WHRN: variants seen among roughly 807,000 people sequenced by gnomAD.
WHRN encodes CASK-interacting protein CIP98.
WHRN carries 41 observed loss-of-function variants against 68.3 expected under a neutral mutation model. That is an observed-to-expected ratio of 0.60 (90% CI 0.47 to 0.78). The LOEUF (loss-of-function observed/expected upper bound fraction) is 0.78. Among genes scored for constraint, WHRN ranks in the 30% least tolerant of loss-of-function variants. WHRN has a pLI of 0.00. For missense variants in WHRN, 1,243 were observed against 1,244.7 expected (o/e 1.00, Z 0.02); for synonymous variants, 560 against 561.3 (o/e 1.00, Z 0.03).
intron 2 of WHRN, among the ~76,000 whole-genome samples, chr9:114,469,219 T>G (rs1840983312): frequency 6.6e-6 from 1 of 152,184 alleles, no homozygotes; most frequent in Non-Finnish European, 1.5e-5. Context: ...AAAGCAGGTG[T>G]GGCCTTCCTC....
At chr9:114,484,138 G>A (rs982453905) in intron 1 of WHRN, among the ~76,000 whole-genome samples, 2 of 152,204 alleles carry the variant, frequency 1.3e-5, no homozygotes, top group African/African-American at 4.8e-5. Flanking sequence ...AGTTATGGCA[G>A]GATACGCACC....
chr9:114,451,517 G>A (rs1839330611), intron 3 of WHRN, among the ~76,000 whole-genome samples: 1 of 152,150 alleles, frequency 6.6e-6, no homozygotes, highest in South Asian at 2.1e-4. Flanking sequence ...TGTTATTATG[G>A]AGACATCAGA....
intron 3 of WHRN, among the ~76,000 whole-genome samples, chr9:114,436,305 T>C (rs1177154962): frequency 6.6e-6 from 1 of 152,180 alleles, no homozygotes; most frequent in African/African-American, 2.4e-5. Context: ...TACATGACAT[T>C]ATGTATTGAT....
At chr9:114,423,548 C>T (rs1187397083) in intron 6 of WHRN, 25 bp from the exon 7 acceptor site, 2 of 1,593,424 alleles carry the variant, frequency 1.3e-6, no homozygotes, top group Non-Finnish European at 8.6e-7. Flanking sequence ...AAAAGGGGCA[C>T]TCAGCAGGGA....
In WHRN at chr9:114,466,184, G is replaced by A. The variant is rs1187037112; in HGVS notation, c.963+83C>T. On this transcript the variant is annotated intron_variant, in intron 3 of 11. Coordinates refer to ENST00000362057, the MANE Select transcript of WHRN (RefSeq NM_015404.4). ...GGACCAGTCCTCAAGGTGGAGTGCT[G>A]ATTGCTCTGCTGGAGGTCTATTTAA... is the stretch of plus-strand genomic sequence containing the variant. 4 of 1,599,224 alleles carry A rather than the reference G, an allele frequency of 2.5e-6. No homozygotes were observed. In the African/African-American group the frequency reaches 4.0e-5, roughly 16 times the overall value.
chr9:114,432,098 C>T (rs376545896), intron 3 of WHRN, among the ~76,000 whole-genome samples: 1 of 152,202 alleles, frequency 6.6e-6, no homozygotes, highest in Non-Finnish European at 1.5e-5. Context: ...TCCTATTTGT[C>T]ACCACTGATG....
At chr9:114,416,641 G>A (rs937978457) in intron 7 of WHRN, among the ~76,000 whole-genome samples, 5 of 152,022 alleles carry the variant, frequency 3.3e-5, no homozygotes, top group Non-Finnish European at 7.4e-5. Flanking sequence ...CTTCCTGTAC[G>A]GCCTACAGAA....
At chr9:114,488,209 T>C (rs80293515) in intron 1 of WHRN, among the ~76,000 whole-genome samples, 4,962 of 152,302 alleles carry the variant, frequency 0.033, 129 homozygotes, top group African/African-American at 0.072. Flanking sequence ...ATAACGCCTA[T>C]GCTCATGGAG....
chr9:114,489,512 GCGTGCACACA>G (rs1842805603), intron 1 of WHRN, among the ~76,000 whole-genome samples: 1 of 13,954 alleles, frequency 7.2e-5, no homozygotes, highest in African/African-American at 1.4e-4. Flanking sequence ...ACGCACACAC[GCGTGCACACA>G]CACACACACA....
chr9:114,439,625 T>TAC (rs1838191077), intron 3 of WHRN, among the ~76,000 whole-genome samples: 1 of 89,528 alleles, frequency 1.1e-5, no homozygotes, highest in Non-Finnish European at 3.3e-5. Flanking sequence ...TATCTGTATG[T>TAC]ACACACACAT....
rs1483291111 is a variant in WHRN, at chr9:114,478,639, G to A, written c.751C>T (p.Pro251Ser). The A allele has an allele frequency of 6.2e-7, 1 of 1,613,698 alleles. No homozygotes were observed. ...CTCAGGGCACCACCGTGGGGCTGGGGCAGGCCCGAGGGTGGGGAGATGCTG... is the reference window on the plus strand; with the variant it reads ...CTCAGGGCACCACCGTGGGGCTGGGACAGGCCCGAGGGTGGGGAGATGCTG... ...GRSISPPSGL[P>S]QPHGGALRQQ... The change falls in exon 2 of 12, where the codon CCC becomes TCC. Residue 251 changes from proline to serine, a missense_variant. Transcript: ENST00000362057.
chr9:114,505,228 C>T lies in WHRN; in HGVS notation c.-427G>A, dbSNP rs886126221. 6 of 164,278 alleles carry T rather than the reference C, an allele frequency of 3.7e-5. No homozygotes were observed. Among genetic ancestry groups the T allele is most frequent in the Admixed American group, 1.9e-4 (3 of 15,492 alleles). The allele number at this position is 164,278 out of a possible 1,614,324, so 10.2% of individuals were successfully genotyped here. A position where few individuals can be genotyped will look rare whatever the true frequency, so the allele number is the denominator to read the frequency against. On this transcript the variant is annotated 5_prime_UTR_variant, in exon 1 of 12. Transcript: ENST00000362057. The stretch of plus-strand genomic sequence containing the variant: ...CCCGTCACACCATGCCCGGGGCTCC[C>T]CCAGCCGGGCGCCCGTTCCTCTAGG...
intron 3 of WHRN, among the ~76,000 whole-genome samples, chr9:114,443,041 G>A (rs1345260142): frequency 6.6e-6 from 1 of 152,146 alleles, no homozygotes; most frequent in Non-Finnish European, 1.5e-5. Context: ...GTGCTTCATA[G>A]CCATAAAGAA....
intron 7 of WHRN, among the ~76,000 whole-genome samples, chr9:114,419,758 C>G (rs1796650968): frequency 6.6e-6 from 1 of 152,214 alleles, no homozygotes; most frequent in Admixed American, 6.5e-5. Flanking sequence ...AATTACCATC[C>G]TCATTTTACA....
At chr9:114,491,261 T>A (rs772155150) in intron 1 of WHRN, among the ~76,000 whole-genome samples, 7 of 152,226 alleles carry the variant, frequency 4.6e-5, no homozygotes, top group Non-Finnish European at 7.3e-5. Context: ...GAAAAGGTGA[T>A]GGGCTTCCAA....
chr9:114,419,052 T>C (rs1248395154), intron 7 of WHRN, among the ~76,000 whole-genome samples: 4 of 152,108 alleles, frequency 2.6e-5, no homozygotes, highest in Non-Finnish European at 2.9e-5. Flanking sequence ...GAGAGGCAGA[T>C]AGATGACGAA....
In WHRN at chr9:114,505,024, C is replaced by T. The variant is rs980880514; in HGVS notation, c.-223G>A. 5 of 558,694 alleles carry T rather than the reference C, an allele frequency of 8.9e-6. No homozygotes were observed. The highest frequency in any genetic ancestry group is 6.0e-5 in the African/African-American group (3 of 50,384). The allele number at this position is 558,694 out of a possible 1,614,324, so 34.6% of individuals were successfully genotyped here. On this transcript the variant is annotated 5_prime_UTR_variant, in exon 1 of 12. Transcript: ENST00000362057. ...CGGCGGGGGTCGCGAACCTGGAATC[C>T]GGGGGACGCGGAGACGTCGGCGGGT... is the stretch of plus-strand genomic sequence containing the variant.
At chr9:114,426,141 G>T in intron 4 of WHRN, 70 bp downstream of exon 4, 1 of 1,600,952 alleles carries the variant, frequency 6.2e-7, no homozygotes. Flanking sequence ...GGAGGGATGG[G>T]AGGCAGCTAT....
At chr9:114,467,402 C>T (rs186962142) in intron 2 of WHRN, among the ~76,000 whole-genome samples, 100 of 151,866 alleles carry the variant, frequency 6.6e-4, no homozygotes, top group African/African-American at 2.4e-3. Context: ...CAAAGTGGCT[C>T]GAGGGCCACA....
Sources: gnomAD v4.1 joint callset for allele counts (sites outside exome capture counted in the v4.1 genomes callset) on GRCh38, gnomAD v4.1.1 for gene constraint, MANE v1.5 for transcripts, NCBI Gene and HGNC (gene_info 2026-07-23, HGNC 2026-07-21) for gene names.